Variants in SNCAIP observed in about 807,000 individuals in gnomAD.
SNCAIP encodes synphilin-1.
Under a neutral mutation model 86.7 loss-of-function variants are expected in SNCAIP, and 43 were observed. The ratio of observed to expected loss-of-function variants is 0.50; its 90% CI spans 0.39 to 0.64. The LOEUF (loss-of-function observed/expected upper bound fraction) is 0.64. SNCAIP is among the 30% of genes least tolerant of loss of function. SNCAIP has a pLI of 0.00. For synonymous variants in SNCAIP, 417 were observed against 427.2 expected (o/e 0.98, Z 0.29); for missense variants, 981 against 1,103.1 (o/e 0.89, Z 1.57).
chr5:122,324,978 T>G (rs565314501), intron 1 of SNCAIP, among the ~76,000 whole-genome samples: 1 of 152,330 alleles, frequency 6.6e-6, no homozygotes, highest in East Asian at 1.9e-4. Flanking sequence ...TAACTGATTA[T>G]GAGCATGGGC....
At chr5:122,385,110 A>C (rs948832942) in intron 1 of SNCAIP, among the ~76,000 whole-genome samples, 1 of 152,028 alleles carries the variant, frequency 6.6e-6, no homozygotes, top group African/African-American at 2.4e-5. Flanking sequence ...GTTATCTCCA[A>C]GGTCTAGATT....
chr5:122,311,430 T>TGGGAGGGG (rs1339841226), upstream of SNCAIP: 1 of 152,392 alleles, frequency 6.6e-6, no homozygotes, highest in Non-Finnish European at 1.5e-5. Context: ...GTGGGCGAGC[T>TGGGAGGGG]TCGGGGGGAG....
chr5:122,426,662 G>T (rs1437650709), intron 5 of SNCAIP, among the ~76,000 whole-genome samples: 1 of 151,978 alleles, frequency 6.6e-6, no homozygotes, highest in East Asian at 1.9e-4. Flanking sequence ...TTTTGCTTTG[G>T]TTGTAAGTGA....
At chr5:122,390,645 T>A (rs775542075) in intron 1 of SNCAIP, among the ~76,000 whole-genome samples, 13 of 152,180 alleles carry the variant, frequency 8.5e-5, no homozygotes, top group Non-Finnish European at 1.5e-4. Context: ...GATGCAGTAT[T>A]CATTGCTCCA....
intron 8 of SNCAIP, 176 bp downstream of exon 8, chr5:122,444,908 C>A (rs1258586274): frequency 1.5e-6 from 1 of 672,854 alleles, no homozygotes; most frequent in South Asian, 1.6e-5. Context: ...GCTGAAGATG[C>A]CATCTCTGCA....
rs1770767445 is a variant in SNCAIP, at chr5:122,397,052, G to A, written c.57+5861G>A. Among the ~76,000 whole-genome samples, 4 of 152,104 alleles carry A rather than the reference G, an allele frequency of 2.6e-5. No homozygotes were observed. The South Asian group carries it at 8.3e-4, about 31-fold the overall frequency. Reference sequence around the variant, plus strand: ...ACTCTTCCCAGGTTTTATATTACTAGTTCATAATCTTCCCGGACACACCTT... The same window carrying A: ...ACTCTTCCCAGGTTTTATATTACTAATTCATAATCTTCCCGGACACACCTT... On this transcript the variant is annotated intron_variant, in intron 2 of 10. Coordinates refer to ENST00000261368, the MANE Select transcript of SNCAIP (RefSeq NM_005460.4).
intron 1 of SNCAIP, among the ~76,000 whole-genome samples, chr5:122,331,641 G>A (rs934460276): frequency 6.6e-6 from 1 of 152,206 alleles, no homozygotes; most frequent in Non-Finnish European, 1.5e-5. Flanking sequence ...CTCATGTCAG[G>A]TGAGGGCCCA....
intron 1 of SNCAIP, among the ~76,000 whole-genome samples, chr5:122,385,668 C>CACGT (rs1402822086): frequency 6.7e-6 from 1 of 148,576 alleles, no homozygotes; most frequent in Non-Finnish European, 1.5e-5. Context: ...TGCGTGTGCG[C>CACGT]ACGTATGTGT....
At chr5:122,425,782 G>T (rs576147676) in intron 5 of SNCAIP, among the ~76,000 whole-genome samples, 1 of 152,290 alleles carries the variant, frequency 6.6e-6, no homozygotes, top group Admixed American at 6.5e-5. Flanking sequence ...AACAACTTTT[G>T]TTATTCATAG....
At chr5:122,368,887 C>A (rs1310692717) in intron 1 of SNCAIP, among the ~76,000 whole-genome samples, 2 of 152,170 alleles carry the variant, frequency 1.3e-5, no homozygotes, top group African/African-American at 4.8e-5. Context: ...TTGAAAATAG[C>A]TGTAGGCAGC....
chr5:122,460,243 T>C (rs1785834811), intron 10 of SNCAIP, among the ~76,000 whole-genome samples: 1 of 151,884 alleles, frequency 6.6e-6, no homozygotes, highest in South Asian at 2.1e-4. Flanking sequence ...CACTTCAGCC[T>C]CCTGAGCAGC....
At chr5:122,365,117 A>G (rs964849975) in intron 1 of SNCAIP, among the ~76,000 whole-genome samples, 19 of 151,770 alleles carry the variant, frequency 1.3e-4, no homozygotes, top group Non-Finnish European at 1.3e-4. Context: ...CCCGACCCCT[A>G]TTTAATCCCA....
chr5:122,317,295 C>T (rs1264836428), intron 1 of SNCAIP, among the ~76,000 whole-genome samples: 1 of 152,098 alleles, frequency 6.6e-6, no homozygotes, highest in Admixed American at 6.5e-5. Flanking sequence ...TATACTTGCT[C>T]AAGTAGGAAA....
intron 8 of SNCAIP, among the ~76,000 whole-genome samples, chr5:122,447,588 C>A (rs1782611913): frequency 1.3e-5 from 2 of 152,196 alleles, no homozygotes; most frequent in Admixed American, 6.5e-5. Context: ...TGTTTTATCC[C>A]CTCAATAAAT....
At chr5:122,339,388 C>T (rs1425000205) in intron 1 of SNCAIP, among the ~76,000 whole-genome samples, 1 of 152,110 alleles carries the variant, frequency 6.6e-6, no homozygotes, top group Non-Finnish European at 1.5e-5. Context: ...ACAGAATCTT[C>T]AAAATAGAAT....
chr5:122,346,889 A>G (rs1758716417), intron 1 of SNCAIP, among the ~76,000 whole-genome samples: 1 of 151,960 alleles, frequency 6.6e-6, no homozygotes, highest in Non-Finnish European at 1.5e-5. Context: ...AATAATTTTG[A>G]CTACTGACAT....
chr5:122,411,072 A>C (rs1187116542), intron 3 of SNCAIP, among the ~76,000 whole-genome samples: 1 of 152,140 alleles, frequency 6.6e-6, no homozygotes, highest in East Asian at 1.9e-4. Flanking sequence ...GTTTTGGTTT[A>C]TTTTTACTGG....
chr5:122,424,907 G>A (rs141749580), intron 4 of SNCAIP, among the ~76,000 whole-genome samples: 182 of 152,306 alleles, frequency 1.2e-3, no homozygotes, highest in African/African-American at 4.2e-3. Flanking sequence ...TCATCATGTT[G>A]TTTGCCATAG....
chr5:122,357,041 A>G (rs1002446335), intron 1 of SNCAIP, among the ~76,000 whole-genome samples: 4 of 152,002 alleles, frequency 2.6e-5, no homozygotes, highest in African/African-American at 7.2e-5. Flanking sequence ...TGTATCTCTG[A>G]CTGCCTCCTG....
Sources: allele counts gnomAD v4.1 joint callset (sites outside exome capture counted in the v4.1 genomes callset), GRCh38; gene constraint gnomAD v4.1.1; transcripts MANE v1.5; gene names NCBI Gene and HGNC (gene_info 2026-07-23, HGNC 2026-07-21).